CYP2C18: variants seen among roughly 807,000 people sequenced by gnomAD.
CYP2C18 encodes cytochrome P450 family 2 subfamily C member 18.
In CYP2C18, 38 loss-of-function variants were observed where a neutral mutation model predicts 41.3. The observed-to-expected ratio is 0.92, with a 90% CI of 0.71 to 1.21. The LOEUF is 1.21. Among genes scored for constraint, CYP2C18 ranks in the 50% most tolerant of loss-of-function variants. The probability of loss-of-function intolerance (pLI) is 0.00; values close to 1 mark genes in which losing one functional copy is unlikely to be tolerated. For missense variants in CYP2C18, 635 were observed against 591.4 expected, an observed-to-expected ratio of 1.07 and a Z score of -0.77; for synonymous variants, 236 against 210.0, an observed-to-expected ratio of 1.12 and a Z score of -1.07.
chr10:94,683,814 C>A lies in CYP2C18; in HGVS notation c.-6C>A, dbSNP rs1421114251. The A allele has an allele frequency of 3.8e-6, 6 of 1,587,378 alleles. No individual in the cohort carries two copies. Among genetic ancestry groups the A allele is most frequent in the Non-Finnish European group, 4.3e-6 (5 of 1,167,452 alleles). On this transcript the variant is annotated 5_prime_UTR_variant, in exon 1 of 9. Coordinates refer to ENST00000285979, the MANE Select transcript of CYP2C18 (RefSeq NM_000772.3). ...GCAGTTGTCTTACTAAGAAGAGAAG[C>A]CTTCAATGGATCCAGCTGTGGCTCT...
intron 1 of CYP2C18, among the ~76,000 whole-genome samples, chr10:94,687,461 A>T (rs563698410): frequency 1.3e-5 from 2 of 152,168 alleles, no homozygotes; most frequent in Admixed American, 1.3e-4. Flanking sequence ...CAGCTGTGGG[A>T]CACTGGCAGT....
At chr10:94,731,549 G>A (rs768626738) in intron 7 of CYP2C18, among the ~76,000 whole-genome samples, 2 of 151,980 alleles carry the variant, frequency 1.3e-5, no homozygotes, top group Non-Finnish European at 2.9e-5. Flanking sequence ...GAGTCGTCAC[G>A]CTACCAGACT....
At chr10:94,707,877 G>A (rs996130998) in intron 5 of CYP2C18, among the ~76,000 whole-genome samples, 1 of 152,136 alleles carries the variant, frequency 6.6e-6, no homozygotes, top group African/African-American at 2.4e-5. Context: ...CTTTAACTGA[G>A]GAGGGAAAGA....
chr10:94,735,244 CTA>C lies in CYP2C18; in HGVS notation c.1292-17_1292-16del. ...ACCTAATGTTCAAGGAACAAATCCC[CTA>C]TGTCTCTTATTTTCAGGAAAACGGA... is the stretch of plus-strand genomic sequence containing the variant. On this transcript the variant is annotated splice_polypyrimidine_tract_variant and intron_variant, in intron 8 of 8. Coordinates refer to ENST00000285979, the MANE Select transcript of CYP2C18 (RefSeq NM_000772.3). The C allele has an allele frequency of 1.2e-6, 2 of 1,612,378 alleles. No homozygotes were observed. The highest frequency in any genetic ancestry group is 1.7e-6 in the Non-Finnish European group (2 of 1,178,836).
chr10:94,693,815 C>A (rs1426015257), intron 3 of CYP2C18, among the ~76,000 whole-genome samples: 2 of 152,138 alleles, frequency 1.3e-5, no homozygotes, highest in African/African-American at 4.8e-5. Flanking sequence ...ATGATACTCT[C>A]ACATGTAAAG....
intron 5 of CYP2C18, among the ~76,000 whole-genome samples, chr10:94,713,166 AT>A (rs1258504482): frequency 6.6e-6 from 1 of 150,990 alleles, no homozygotes; most frequent in Non-Finnish European, 1.5e-5. Flanking sequence ...TTCCAATGTT[AT>A]TTTTTCTCAT....
chr10:94,697,817 C>T (rs1057433727), intron 4 of CYP2C18, among the ~76,000 whole-genome samples: 1 of 152,106 alleles, frequency 6.6e-6, no homozygotes, highest in African/African-American at 2.4e-5. Flanking sequence ...CAAGGAAAGG[C>T]AGGGGTTGCA....
intron 7 of CYP2C18, among the ~76,000 whole-genome samples, chr10:94,730,732 C>T (rs926719661): frequency 2.0e-5 from 3 of 152,006 alleles, no homozygotes; most frequent in Admixed American, 6.6e-5. Context: ...AAGAATAAAT[C>T]GAAATATCTC....
chr10:94,689,427 TCAGA>T (rs1310823628), intron 3 of CYP2C18, among the ~76,000 whole-genome samples: 2 of 152,134 alleles, frequency 1.3e-5, no homozygotes, highest in African/African-American at 4.8e-5. Context: ...GCTCCCAAAG[TCAGA>T]CAGTTCCTAG....
chr10:94,707,585 C>T (rs765652112), intron 5 of CYP2C18, among the ~76,000 whole-genome samples: 9 of 151,826 alleles, frequency 5.9e-5, no homozygotes, highest in East Asian at 3.9e-4. Flanking sequence ...GAGTGGGATG[C>T]GTATAATTAT....
intron 6 of CYP2C18, among the ~76,000 whole-genome samples, chr10:94,721,639 G>A (rs762768929): frequency 1.1e-4 from 17 of 152,006 alleles, no homozygotes; most frequent in Non-Finnish European, 2.2e-4. Flanking sequence ...ACTCTCCAGT[G>A]TCTATTATTC....
chr10:94,691,993 C>A (rs1007847005), intron 3 of CYP2C18, among the ~76,000 whole-genome samples: 2 of 152,132 alleles, frequency 1.3e-5, no homozygotes, highest in Non-Finnish European at 2.9e-5. Context: ...GAAACTGGAT[C>A]CCTTCCTTAC....
intron 7 of CYP2C18, among the ~76,000 whole-genome samples, chr10:94,724,776 T>C (rs1847710424): frequency 7.1e-4 from 1 of 1,416 alleles, no homozygotes; most frequent in Admixed American, 0.023. Flanking sequence ...TTTGTGGCTA[T>C]TCTCAGGTTG....
intron 7 of CYP2C18, among the ~76,000 whole-genome samples, chr10:94,731,505 G>C (rs955590671): frequency 1.3e-5 from 2 of 152,100 alleles, no homozygotes; most frequent in African/African-American, 4.8e-5. Flanking sequence ...AGCCTGAATA[G>C]CCAAAACAAA....
chr10:94,695,138 T>C, intron 4 of CYP2C18, 61 bp downstream of exon 4: 9 of 1,409,798 alleles, frequency 6.4e-6, no homozygotes, highest in Non-Finnish European at 7.7e-6. Context: ...GACAGTCCAA[T>C]TTTTTTAATT....
intron 4 of CYP2C18, among the ~76,000 whole-genome samples, chr10:94,698,153 T>C (rs1205678782): frequency 1.3e-5 from 2 of 152,176 alleles, no homozygotes; most frequent in Non-Finnish European, 2.9e-5. Flanking sequence ...TGCAGAACTC[T>C]CCACCCCAAA....
At chr10:94,699,008 G>A (rs1193164496) in intron 4 of CYP2C18, among the ~76,000 whole-genome samples, 1 of 152,132 alleles carries the variant, frequency 6.6e-6, no homozygotes, top group Non-Finnish European at 1.5e-5. Context: ...ACCAAAAAAA[G>A]TTCAGGACCA....
At chr10:94,725,499 A>G (rs1296077725) in intron 7 of CYP2C18, among the ~76,000 whole-genome samples, 3 of 152,164 alleles carry the variant, frequency 2.0e-5, no homozygotes, top group Non-Finnish European at 2.9e-5. Flanking sequence ...TTTCCAGGAC[A>G]GCGTTGAATA....
Position 94,723,215 on chromosome 10 carries a change from A to G in CYP2C18, c.962-1131A>G, listed in dbSNP as rs115748540. Among the ~76,000 whole-genome samples, 514 of 152,242 alleles carry G rather than the reference A, an allele frequency of 3.4e-3. 2 individuals are homozygous for G. Among genetic ancestry groups the G allele is most frequent in the African/African-American group, 0.012 (498 of 41,564 alleles). On this transcript the variant is annotated intron_variant, in intron 6 of 8. Coordinates refer to ENST00000285979, the MANE Select transcript of CYP2C18 (RefSeq NM_000772.3). ...TATTTTCTTAGAAAGATACTAGAGA[A>G]TATTTTCCATCCAAATGTCTGAAAC...
Sources: allele counts gnomAD v4.1 joint callset (sites outside exome capture counted in the v4.1 genomes callset), GRCh38; gene constraint gnomAD v4.1.1; transcripts MANE v1.5; gene names NCBI Gene and HGNC (gene_info 2026-07-23, HGNC 2026-07-21).